The following METTL2A variants were observed in gnomAD, a reference collection of about 807,000 sequenced individuals.
METTL2A encodes tRNA N(3)-cytidine methyltransferase METTL2A.
A neutral mutation model predicts 49.4 loss-of-function variants in METTL2A; 45 were observed. The ratio of observed to expected loss-of-function variants is 0.91; its 90% confidence interval spans 0.72 to 1.17. The LOEUF (loss-of-function observed/expected upper bound fraction) is 1.17, where lower values mean the gene tolerates loss of function less well. METTL2A is among the 50% of genes most tolerant of loss of function. METTL2A has a pLI of 0.00. For missense variants in METTL2A, 361 were observed against 462.2 expected (o/e 0.78, Z 2.01); for synonymous variants, 118 against 167.5 (o/e 0.70, Z 2.28).
intron 5 of METTL2A, among the ~76,000 whole-genome samples, 191 bp downstream of exon 5, chr17:62,435,483 ATC>A (rs2070694698): frequency 6.6e-6 from 1 of 152,208 alleles, no homozygotes; most frequent in African/African-American, 2.4e-5. Context: ...TAGATGTCGT[ATC>A]TGTTCATATA....
At chr17:62,437,698 G>A (rs1438521169) in intron 5 of METTL2A, among the ~76,000 whole-genome samples, 3 of 152,102 alleles carry the variant, frequency 2.0e-5, no homozygotes, top group Non-Finnish European at 4.4e-5. Context: ...TTATGGCTGG[G>A]GTCAGTGGCT....
chr17:62,448,845 G>A lies in METTL2A; in HGVS notation c.*116G>A. On this transcript the variant is annotated 3_prime_UTR_variant, in exon 9 of 9. Coordinates refer to ENST00000311506, the MANE Select transcript of METTL2A (RefSeq NM_181725.4). ...TAATCCCAGCCACTCAGGAGGCTGA[G>A]GCGGGGAGGATCCATTGAGCCCAGC... 1 of 1,498,754 alleles carries A rather than the reference G, an allele frequency of 6.7e-7. No individual in the cohort carries two copies. The highest frequency in any genetic ancestry group is 2.3e-5 in the East Asian group (1 of 43,250). 92.8% of individuals were successfully genotyped at this position (1,498,754 alleles called of 1,614,324 possible).
intron 5 of METTL2A, among the ~76,000 whole-genome samples, chr17:62,435,848 A>G (rs956852062): frequency 2.0e-5 from 3 of 152,186 alleles, no homozygotes; most frequent in Non-Finnish European, 4.4e-5. Flanking sequence ...AAGTGAAAGG[A>G]AGAGTTTCAC....
At position 62,449,344 on chromosome 17, in the gene METTL2A, CAAAA is replaced by C; in HGVS notation, c.*621_*624del. The C allele has an allele frequency of 2.4e-6, 1 of 415,908 alleles. No homozygotes were observed. Among genetic ancestry groups the C allele is most frequent in the African/African-American group, 2.1e-5 (1 of 47,230 alleles). The allele number at this position is 415,908 out of a possible 1,614,324, so 25.8% of individuals were successfully genotyped here. ...AGAATCAGATCAGATATTTTCCTGA[CAAAA>C]AAAAATGACCCTACAGAGAGCATCA... On this transcript the variant is annotated 3_prime_UTR_variant, in exon 9 of 9. Coordinates refer to ENST00000311506, the MANE Select transcript of METTL2A (RefSeq NM_181725.4).
chr17:62,424,805 A>C (rs1297282076), intron 2 of METTL2A, among the ~76,000 whole-genome samples: 1 of 151,890 alleles, frequency 6.6e-6, no homozygotes, highest in African/African-American at 2.4e-5. Context: ...AGGTGGATGC[A>C]GCAGAGTGGA....
At position 62,426,379 on chromosome 17, in the gene METTL2A, T is replaced by A. The variant is rs1335319207; in HGVS notation, c.283T>A (p.Trp95Arg). 6.2e-7 allele frequency: 1 copy of A among 1,613,994 alleles called. No homozygotes were observed. Among genetic ancestry groups the A allele is most frequent in the Admixed American group, 1.7e-5 (1 of 59,994 alleles). Residue 95 changes from tryptophan (W) to arginine (R), a missense_variant, in exon 3 of 9, where the codon TGG (tryptophan) becomes AGG (arginine). Physicochemically the swap from Trp to Arg is moderately radical, Grantham distance 101. Transcript: ENST00000311506. Reference sequence around the variant, plus strand: ...AAATGGGTTTTTCAAGGATAGACATTGGCTTTTTACCGAATTCCCTGAGCT... The same window carrying A: ...AAATGGGTTTTTCAAGGATAGACATAGGCTTTTTACCGAATTCCCTGAGCT... ...HENGFFKDRHWLFTEFPELAP... is the reference protein window; with the variant it reads ...HENGFFKDRHRLFTEFPELAP...
chr17:62,435,394 G>A, intron 5 of METTL2A, 102 bp downstream of exon 5: 1 of 1,523,410 alleles, frequency 6.6e-7, no homozygotes, highest in East Asian at 2.3e-5. Flanking sequence ...TACAGTCTGT[G>A]TTCTTACGGT....
rs756582017 is a variant in METTL2A at position 62,451,608 on chromosome 17, C to CA, written c.*2880dup. On this transcript the variant is annotated 3_prime_UTR_variant, in exon 9 of 9. Coordinates refer to ENST00000311506, the MANE Select transcript of METTL2A (RefSeq NM_181725.4). ...TGAAACCCCATCACTGCTAACAATACAGACCTGGCACGGTGGCTCACGCCT... is the reference window on the plus strand; with the variant it reads ...TGAAACCCCATCACTGCTAACAATACAAGACCTGGCACGGTGGCTCACGCCT... Among the ~76,000 whole-genome samples the CA allele has an allele frequency of 7.3e-5, 11 of 151,682 alleles. No individual in the cohort carries two copies. Among genetic ancestry groups the CA allele is most frequent in the Non-Finnish European group, 1.5e-4 (10 of 67,896 alleles).
intron 6 of METTL2A, among the ~76,000 whole-genome samples, chr17:62,441,532 C>A (rs60039694): frequency 0.064 from 9,752 of 152,126 alleles, 434 homozygotes; most frequent in South Asian, 0.24. Context: ...TTGCAACCTC[C>A]ACCTCCCCGG....
chr17:62,437,167 C>T (rs546696725), intron 5 of METTL2A, among the ~76,000 whole-genome samples: 2 of 142,132 alleles, frequency 1.4e-5, no homozygotes, highest in African/African-American at 5.2e-5. Flanking sequence ...GACAGGGTCT[C>T]ACTGTGTTGC....
intron 4 of METTL2A, among the ~76,000 whole-genome samples, chr17:62,430,866 T>A (rs8067093): frequency 0.034 from 5,096 of 150,676 alleles, 296 homozygotes; most frequent in African/African-American, 0.12. Flanking sequence ...ATTGATTGAT[T>A]GATTGATTGG....
chr17:62,446,601 C>T (rs1362162821), intron 7 of METTL2A, among the ~76,000 whole-genome samples: 1 of 152,244 alleles, frequency 6.6e-6, no homozygotes, highest in Non-Finnish European at 1.5e-5. Flanking sequence ...GTGTGAGCCA[C>T]TGCGCTCGGC....
In METTL2A at chr17:62,423,926, T is replaced by G. The variant is rs552441305; in HGVS notation, c.24T>G (p.Gly8=). 3 of 1,613,316 alleles carry G rather than the reference T, an allele frequency of 1.9e-6. No homozygotes were observed. The East Asian group carries it at 6.7e-5, about 36-fold the overall frequency. MAGSYPE[G]APAVLADKRQ... ...TCATGGCCGGCTCCTACCCTGAAGG[T>G]GCACCTGCAGTCCTCGCCGATAAGA... The change falls in exon 1 of 9, where the codon GGT becomes GGG. Residue 8 remains glycine, a synonymous_variant. Coordinates refer to ENST00000311506, the MANE Select transcript of METTL2A (RefSeq NM_181725.4).
chr17:62,426,530 C>T lies in METTL2A; in HGVS notation c.434C>T (p.Ser145Leu), dbSNP rs753699667. The change falls in exon 3 of 9, where the codon TCA becomes TTA. Residue 145 changes from serine (S) to leucine (L), a missense_variant. Ser to Leu is a moderately radical substitution (Grantham distance 145). Transcript: ENST00000311506. Reference sequence around the variant, plus strand: ...ATGGAAGAACAGCACAAGTGTTCTTCAAAGAGCCTTGAACATAAAACACAG... The same window carrying T: ...ATGGAAGAACAGCACAAGTGTTCTTTAAAGAGCCTTGAACATAAAACACAG... ...LIMEEQHKCS[S>L]KSLEHKTQTL... 3.8e-5 allele frequency: 56 copies of T among 1,479,660 alleles called. No homozygotes were observed. The highest frequency in any genetic ancestry group is 3.5e-5 in the Admixed American group (2 of 56,382). 91.7% of individuals were successfully genotyped at this position (1,479,660 alleles called of 1,614,324 possible). A position where few individuals can be genotyped will look rare whatever the true frequency, so the allele number is the denominator to read the frequency against.
chr17:62,441,615 T>C (rs1321925076), intron 6 of METTL2A, among the ~76,000 whole-genome samples: 1 of 151,306 alleles, frequency 6.6e-6, no homozygotes, highest in Non-Finnish European at 1.5e-5. Flanking sequence ...CCCAGCTAAT[T>C]TTTGTATTTT....
At position 62,423,985 on chromosome 17, in the gene METTL2A, C is replaced by A; in HGVS notation, c.83C>A (p.Pro28Gln). 6.2e-7 allele frequency: 1 copy of A among 1,613,994 alleles called. No individual in the cohort carries two copies. Among genetic ancestry groups the A allele is most frequent in the Non-Finnish European group, 8.5e-7 (1 of 1,180,004 alleles). ...TTCGGAAGCCGGTTCCTGAGAGATC[C>A]GGCGCGCGTCTTCCACCACAATGCC... ...QQFGSRFLRDPARVFHHNAWD... is the reference protein window; with the variant it reads ...QQFGSRFLRDQARVFHHNAWD... Residue 28 changes from proline to glutamine, a missense_variant, in exon 1 of 9, where the codon CCG becomes CAG. Transcript: ENST00000311506.
chr17:62,438,926 C>A (rs1461466480), intron 5 of METTL2A, among the ~76,000 whole-genome samples: 1 of 151,514 alleles, frequency 6.6e-6, no homozygotes, highest in Non-Finnish European at 1.5e-5. Flanking sequence ...GATTCTCCCA[C>A]CTCCTGTGTA....
chr17:62,448,723 C>T lies in METTL2A; in HGVS notation c.1131C>T (p.Thr377=), dbSNP rs1322988256. 7 of 1,613,810 alleles carry T rather than the reference C, an allele frequency of 4.3e-6. No individual in the cohort carries two copies. Among genetic ancestry groups the T allele is most frequent in the Non-Finnish European group, 5.9e-6 (7 of 1,179,932 alleles). The change falls in exon 9 of 9, where the codon ACC becomes ACT. Residue 377 remains threonine (T), a synonymous_variant. Coordinates refer to ENST00000311506, the MANE Select transcript of METTL2A (RefSeq NM_181725.4). ...CKYCKPLLSS[T]S ...ACTGCAAGCCCCTTCTGTCCAGCAC[C>T]AGCTGAGAGGCACCTGCTGCCAACA... is the stretch of plus-strand genomic sequence containing the variant.
intron 4 of METTL2A, among the ~76,000 whole-genome samples, chr17:62,428,241 G>A (rs1008429611): frequency 2.6e-5 from 4 of 152,206 alleles, no homozygotes; most frequent in South Asian, 2.1e-4. Flanking sequence ...AACAGTCAGT[G>A]GCTGAGTTGT....
Sources: gnomAD v4.1 joint callset for allele counts (sites outside exome capture counted in the v4.1 genomes callset) on GRCh38, gnomAD v4.1.1 for gene constraint, MANE v1.5 for transcripts, NCBI Gene and HGNC (gene_info 2026-07-23, HGNC 2026-07-21) for gene names.